SCEL: variants seen among roughly 807,000 people sequenced by gnomAD.
The protein encoded by SCEL is sciellin.
In SCEL, 113 loss-of-function variants were observed where a neutral mutation model predicts 117.6. The ratio of observed to expected loss-of-function variants is 0.96; its 90% CI spans 0.83 to 1.12. The LOEUF is 1.12. Among genes scored for constraint, SCEL ranks in the 50% most tolerant of loss-of-function variants. The pLI, the probability that SCEL is intolerant of heterozygous loss-of-function variation, is 0.00. For missense variants in SCEL, 785 were observed against 810.8 expected (o/e 0.97, Z 0.39); for synonymous variants, 270 against 256.2 (o/e 1.05, Z -0.51).
intron 25 of SCEL, 43 bp from the exon 26 acceptor site, chr13:77,617,760 A>G: frequency 6.5e-7 from 1 of 1,540,228 alleles, no homozygotes; most frequent in Non-Finnish European, 8.9e-7. Flanking sequence ...TACCAAAAGA[A>G]CTTCAAAATT....
At chr13:77,546,470 A>G (rs1023869602) in intron 1 of SCEL, among the ~76,000 whole-genome samples, 3 of 152,186 alleles carry the variant, frequency 2.0e-5, no homozygotes, top group Non-Finnish European at 4.4e-5. Context: ...ATTAAATAAG[A>G]TAATGTGCAT....
At position 77,627,625 on chromosome 13, in the gene SCEL, GTACATCTATTA is replaced by G. The variant is rs1185398360; in HGVS notation, c.1629-315_1629-305del. 5.3e-5 allele frequency among the ~76,000 whole-genome samples: 8 copies of G among 152,088 alleles called. No homozygotes were observed. In the East Asian group the frequency reaches 1.5e-3, roughly 29 times the overall value. On this transcript the variant is annotated intron_variant, in intron 27 of 32. Transcript: ENST00000349847. Reference sequence around the variant, plus strand: ...TAAATCACACATACCCTGAAACTTTGTACATCTATTATACATCAATAAAAAAAGAAAAATGA... The same window carrying G: ...TAAATCACACATACCCTGAAACTTTGTACATCAATAAAAAAAGAAAAATGA...
chr13:77,642,605 T>G, intron 31 of SCEL, 101 bp from the exon 32 acceptor site: 1 of 601,834 alleles, frequency 1.7e-6, no homozygotes, highest in Non-Finnish European at 2.8e-6. Flanking sequence ...GTGATAAACA[T>G]CCCTTAAAAG....
intron 23 of SCEL, among the ~76,000 whole-genome samples, chr13:77,613,301 G>A (rs2088798837): frequency 1.3e-5 from 2 of 151,658 alleles, no homozygotes; most frequent in African/African-American, 2.4e-5. Context: ...ACAAACACAG[G>A]GATTAATATT....
chr13:77,538,770 T>A (rs539087435), intron 1 of SCEL, among the ~76,000 whole-genome samples: 1 of 152,324 alleles, frequency 6.6e-6, no homozygotes, highest in Non-Finnish European at 1.5e-5. Context: ...AATAATTTAT[T>A]CTTTGTCTGT....
chr13:77,536,650 C>T (rs775293911), intron 1 of SCEL, among the ~76,000 whole-genome samples: 7 of 152,176 alleles, frequency 4.6e-5, no homozygotes, highest in Admixed American at 1.3e-4. Flanking sequence ...AATAGCTAAG[C>T]TGACTTGTGT....
intron 1 of SCEL, among the ~76,000 whole-genome samples, chr13:77,550,547 A>C (rs7981338): frequency 0.19 from 29,585 of 151,868 alleles, 3,344 homozygotes; most frequent in African/African-American, 0.31. Flanking sequence ...AACCCCTGGA[A>C]AACACTAATC....
chr13:77,602,448 C>T, intron 16 of SCEL: 2 of 509,002 alleles, frequency 3.9e-6, no homozygotes, highest in Non-Finnish European at 6.9e-6. Flanking sequence ...ATTGAGAAGC[C>T]TTTCTAAACT....
chr13:77,624,295 G>A (rs555135165), intron 27 of SCEL, among the ~76,000 whole-genome samples: 60 of 151,840 alleles, frequency 4.0e-4, no homozygotes, highest in African/African-American at 1.4e-3. Context: ...TAGTAGAGAC[G>A]GGGTTTCACC....
chr13:77,593,257 G>GAGT (rs1567391481), intron 11 of SCEL, among the ~76,000 whole-genome samples: 1 of 101,844 alleles, frequency 9.8e-6, no homozygotes. Flanking sequence ...ATAACAGAGG[G>GAGT]GAGTGTGTGT....
intron 9 of SCEL, among the ~76,000 whole-genome samples, chr13:77,586,130 C>G (rs1448507097): frequency 6.6e-6 from 1 of 152,070 alleles, no homozygotes; most frequent in Non-Finnish European, 1.5e-5. Context: ...ACTTCAGCAC[C>G]ACGCTCACTG....
intron 9 of SCEL, among the ~76,000 whole-genome samples, chr13:77,576,054 T>A (rs973094227): frequency 4.6e-5 from 7 of 152,192 alleles, no homozygotes; most frequent in African/African-American, 1.7e-4. Flanking sequence ...TCCTAAAAAT[T>A]TGATAGCCTA....
intron 1 of SCEL, among the ~76,000 whole-genome samples, chr13:77,545,830 C>G (rs1215297784): frequency 6.6e-6 from 1 of 152,234 alleles, no homozygotes; most frequent in Non-Finnish European, 1.5e-5. Context: ...CTTTCTCTGG[C>G]TTGGGCCATC....
chr13:77,597,468 T>C (rs2154400951), intron 12 of SCEL, 77 bp from the exon 13 acceptor site: 1 of 782,246 alleles, frequency 1.3e-6, no homozygotes, highest in East Asian at 2.8e-5. Context: ...CAGAGAACTG[T>C]CATTTTAAGG....
At position 77,629,852 on chromosome 13, in the gene SCEL, C is replaced by A. The variant is rs1001223698; in HGVS notation, c.1691+1843C>A. On this transcript the variant is annotated intron_variant, in intron 28 of 32. Transcript: ENST00000349847. ...ACTGAGTGGGGAAAGCCAGCAAGGC[C>A]TGTGTCCCTAGATTATTCTTAACCT... Among the ~76,000 whole-genome samples the A allele has an allele frequency of 3.3e-5, 5 of 152,128 alleles. No individual in the cohort carries two copies. The South Asian group carries it at 6.2e-4, about 19-fold the overall frequency.
chr13:77,538,374 C>A (rs1256099464), intron 1 of SCEL, among the ~76,000 whole-genome samples: 1 of 152,184 alleles, frequency 6.6e-6, no homozygotes, highest in East Asian at 1.9e-4. Flanking sequence ...GCCTTGGTCT[C>A]CCAAAGTGCT....
intron 1 of SCEL, among the ~76,000 whole-genome samples, chr13:77,550,978 G>A (rs1333086878): frequency 6.6e-6 from 1 of 152,192 alleles, no homozygotes; most frequent in Non-Finnish European, 1.5e-5. Context: ...CTTCCAAGGA[G>A]TGAGATGCTC....
chr13:77,592,381 AGTT>A, intron 11 of SCEL, among the ~76,000 whole-genome samples: 1 of 152,160 alleles, frequency 6.6e-6, no homozygotes. Flanking sequence ...TAGGAAACAC[AGTT>A]TAATAGAGTT....
intron 9 of SCEL, among the ~76,000 whole-genome samples, chr13:77,587,456 C>T (rs1246135567): frequency 3.3e-5 from 5 of 152,084 alleles, no homozygotes; most frequent in African/African-American, 1.2e-4. Context: ...TTCTGTCTTC[C>T]TACTTTACTG....
Sources: gnomAD v4.1 joint callset for allele counts (sites outside exome capture counted in the v4.1 genomes callset) on GRCh38, gnomAD v4.1.1 for gene constraint, MANE v1.5 for transcripts, NCBI Gene and HGNC (gene_info 2026-07-23, HGNC 2026-07-21) for gene names.